Variants in CALD1 observed in about 807,000 individuals in gnomAD.
CALD1 encodes the protein caldesmon.
A neutral mutation model predicts 99.9 loss-of-function variants in CALD1; 33 were observed. That is an observed-to-expected ratio of 0.33 (90% CI 0.25 to 0.44). CALD1 has a LOEUF of 0.44. Among genes scored for constraint, CALD1 ranks in the 20% least tolerant of loss-of-function variants. The pLI is 1.00. For synonymous variants in CALD1, 310 were observed against 325.0 expected (o/e 0.95, Z 0.50); for missense variants, 861 against 962.1 (o/e 0.89, Z 1.39).
chr7:134,827,825 C>A (rs1381644864), intron 1 of CALD1, among the ~76,000 whole-genome samples: 1 of 152,324 alleles, frequency 6.6e-6, no homozygotes, highest in Non-Finnish European at 1.5e-5. Flanking sequence ...CCGGATTTAA[C>A]ACAAACTCAG....
intron 13 of CALD1, chr7:134,962,366 TAA>T (rs35952925): frequency 0.018 from 1,656 of 92,048 alleles, 20 homozygotes; most frequent in South Asian, 0.042. Context: ...GACAGCCTCC[TAA>T]AAAAAAAAAA....
intron 1 of CALD1, among the ~76,000 whole-genome samples, chr7:134,813,893 A>T (rs1025432900): frequency 1.4e-4 from 21 of 152,170 alleles, no homozygotes. Flanking sequence ...CAGCTGGTAA[A>T]GGACGGTGGG....
At chr7:134,858,820 G>A (rs760369121) in intron 2 of CALD1, among the ~76,000 whole-genome samples, 2 of 151,978 alleles carry the variant, frequency 1.3e-5, no homozygotes, top group African/African-American at 2.4e-5. Context: ...CACCTGCCTC[G>A]GCCTCCCAAA....
the CALD1 span, among the ~76,000 whole-genome samples, chr7:134,738,185 G>T: frequency 6.6e-6 from 1 of 152,294 alleles, no homozygotes; most frequent in South Asian, 2.1e-4. Context: ...AAGTTCCACA[G>T]AATCTGAAGC....
rs138725473 is a variant in CALD1, at chr7:134,752,954, G to A, written c.-130+8591G>A. Among the ~76,000 whole-genome samples the A allele has an allele frequency of 1.6e-3, 231 of 146,644 alleles. No individual in the cohort carries two copies. The Middle Eastern group carries it at 0.032, about 20-fold the overall frequency. ...GAACCTGGGAGGTGGAAGTTTCAGT[G>A]AGCCGAGACAGCACCACTGCACTCC... is the stretch of plus-strand genomic sequence containing the variant. On this transcript the variant is annotated intron_variant, in intron 1 of 13. Coordinates refer to the CALD1 transcript ENST00000417172.
At chr7:134,737,834 A>G in the CALD1 span, among the ~76,000 whole-genome samples, 2 of 152,204 alleles carry the variant, frequency 1.3e-5, no homozygotes, top group Admixed American at 6.5e-5. Flanking sequence ...TCTGCCAGCC[A>G]TTCCAAAATA....
chr7:134,803,064 T>G (rs781591136), intron 1 of CALD1, among the ~76,000 whole-genome samples: 2 of 152,228 alleles, frequency 1.3e-5, no homozygotes, highest in African/African-American at 4.8e-5. Flanking sequence ...GTAGTCAGTC[T>G]TTCTAATTTA....
chr7:134,781,088 T>C (rs1442755328), intron 1 of CALD1, among the ~76,000 whole-genome samples: 1 of 152,200 alleles, frequency 6.6e-6, no homozygotes, highest in African/African-American at 2.4e-5. Context: ...CAGAATTCCT[T>C]GTGAATTTCC....
intron 2 of CALD1, among the ~76,000 whole-genome samples, chr7:134,851,881 T>C (rs1054068891): frequency 2.6e-5 from 4 of 152,128 alleles, no homozygotes; most frequent in African/African-American, 9.7e-5. Flanking sequence ...AAAACAAGAA[T>C]ATGGGGCAAA....
intron 1 of CALD1, among the ~76,000 whole-genome samples, chr7:134,774,071 G>A (rs1381706165): frequency 6.6e-6 from 1 of 151,938 alleles, no homozygotes; most frequent in East Asian, 1.9e-4. Flanking sequence ...TTGGGAGGGT[G>A]AGGCAGGAGA....
chr7:134,896,051 A>T (rs374182331), intron 3 of CALD1, among the ~76,000 whole-genome samples: 1 of 150,380 alleles, frequency 6.6e-6, no homozygotes, highest in Non-Finnish European at 1.5e-5. Flanking sequence ...CAAACTACTC[A>T]CCCTGCCACT....
chr7:134,794,186 C>T (rs546020320), intron 1 of CALD1, among the ~76,000 whole-genome samples: 1 of 152,186 alleles, frequency 6.6e-6, no homozygotes, highest in South Asian at 2.1e-4. Flanking sequence ...GACTGTTCAC[C>T]CCTTCAGCAC....
chr7:134,769,848 G>T (rs1403236892), intron 1 of CALD1, among the ~76,000 whole-genome samples: 1 of 152,188 alleles, frequency 6.6e-6, no homozygotes, highest in Admixed American at 6.5e-5. Context: ...ATTTTGGCCA[G>T]GCTGGTCTTG....
the CALD1 span, among the ~76,000 whole-genome samples, chr7:134,730,080 C>T: frequency 6.6e-6 from 1 of 152,102 alleles, no homozygotes; most frequent in East Asian, 1.9e-4. Context: ...AATGTCTTAG[C>T]TCTGAAGGGA....
chr7:134,743,417 A>C (rs1212421959), upstream of CALD1, among the ~76,000 whole-genome samples: 1 of 152,180 alleles, frequency 6.6e-6, no homozygotes, highest in African/African-American at 2.4e-5. Flanking sequence ...CAGTTTTGTT[A>C]TACTTTGAAG....
the CALD1 span, among the ~76,000 whole-genome samples, chr7:134,711,680 A>ATATATGTGTG: frequency 1.8e-5 from 2 of 109,588 alleles, no homozygotes; most frequent in African/African-American, 7.8e-5. Context: ...ATATATATAT[A>ATATATGTGTG]TGTGTGTGTG....
chr7:134,941,144 G>C lies in CALD1; in HGVS notation c.1439G>C (p.Ser480Thr). The C allele has an allele frequency of 6.2e-7, 1 of 1,613,036 alleles. No individual in the cohort carries two copies. Among genetic ancestry groups the C allele is most frequent in the Non-Finnish European group, 8.5e-7 (1 of 1,179,306 alleles). Residue 480 changes from serine (S) to threonine (T), a missense_variant, in exon 7 of 15, where the codon AGC becomes ACC. Ser to Thr is a moderately conservative substitution (Grantham distance 58). Transcript: ENST00000361675. ...KDKEPKEEVK[S>T]FMDRKKGFTE... The stretch of plus-strand genomic sequence containing the variant: ...AAAGAACCCAAAGAAGAAGTTAAGA[G>C]CTTCATGGATCGAAAGAAGGGATTT...
In CALD1 at chr7:134,891,562, G is replaced by A. The variant is rs200143478; in HGVS notation, c.71+23758G>A. ...CGCGGGCCCAGCCCACGCCCTGACC[G>A]CCCGGCCTGGCCAGGTCTCCGTATC... is the stretch of plus-strand genomic sequence containing the variant. On this transcript the variant is annotated intron_variant, in intron 3 of 14. Coordinates refer to ENST00000361675, the MANE Select transcript of CALD1 (RefSeq NM_033138.4). 10,150 of 1,564,636 alleles carry A rather than the reference G, an allele frequency of 6.5e-3. 34 individuals carry two copies. Among genetic ancestry groups the A allele is most frequent in the Non-Finnish European group, 8.0e-3 (9,247 of 1,154,224 alleles).
intron 9 of CALD1, among the ~76,000 whole-genome samples, chr7:134,955,549 C>G (rs1807697696): frequency 1.3e-5 from 2 of 152,178 alleles, no homozygotes; most frequent in South Asian, 2.1e-4. Context: ...CTGGTGAGAG[C>G]CCTCTTCATG....
Sources: gnomAD v4.1 joint callset for allele counts (sites outside exome capture counted in the v4.1 genomes callset) on GRCh38, gnomAD v4.1.1 for gene constraint, MANE v1.5 for transcripts, NCBI Gene and HGNC (gene_info 2026-07-23, HGNC 2026-07-21) for gene names.